TRPC7: variants seen among roughly 807,000 people sequenced by gnomAD.
TRPC7 encodes short transient receptor potential channel 7.
TRPC7 carries 42 observed loss-of-function variants against 90.1 expected under a neutral mutation model. The observed-to-expected ratio is 0.47, with a 90% CI of 0.36 to 0.60. TRPC7 has a LOEUF of 0.60. TRPC7 is among the 20% of genes least tolerant of loss of function. The pLI is 0.00. For synonymous variants in TRPC7, 451 were observed against 436.3 expected (o/e 1.03, Z -0.42); for missense variants, 955 against 1,112.3 (o/e 0.86, Z 2.01).
intron 7 of TRPC7, among the ~76,000 whole-genome samples, chr5:136,233,093 C>T (rs113488642): frequency 3.3e-5 from 5 of 152,066 alleles, no homozygotes; most frequent in Admixed American, 2.0e-4. Context: ...TCTGTGTGTG[C>T]GTGTGCATGT....
chr5:136,265,914 T>C (rs2149812029), intron 5 of TRPC7, among the ~76,000 whole-genome samples: 1 of 152,310 alleles, frequency 6.6e-6, no homozygotes, highest in East Asian at 1.9e-4. Flanking sequence ...TATATTTAAA[T>C]GATCAAAATA....
chr5:136,266,444 G>T lies in TRPC7; in HGVS notation c.1129-8C>A. On this transcript the variant is annotated splice_polypyrimidine_tract_variant and splice_region_variant and intron_variant, in intron 4 of 11. Coordinates refer to ENST00000513104, the MANE Select transcript of TRPC7 (RefSeq NM_020389.3). ...CCTCAGGGTTCGTCCTAGCTGGAAA[G>T]AAAATGTGTTCAAGACATGTTAAAC... 1 of 1,611,126 alleles carries T rather than the reference G, an allele frequency of 6.2e-7. No individual in the cohort carries two copies. The highest frequency in any genetic ancestry group is 8.5e-7 in the Non-Finnish European group (1 of 1,178,120).
chr5:136,356,460 G>A (rs899852429), intron 2 of TRPC7, 148 bp downstream of exon 2: 6 of 766,320 alleles, frequency 7.8e-6, no homozygotes, highest in Non-Finnish European at 9.8e-6. Flanking sequence ...TGATAAGTGA[G>A]ATGTGTTCCC....
At chr5:136,264,501 G>T (rs920193477) in intron 5 of TRPC7, among the ~76,000 whole-genome samples, 2 of 152,166 alleles carry the variant, frequency 1.3e-5, no homozygotes, top group Non-Finnish European at 2.9e-5. Flanking sequence ...TAAGACCACA[G>T]AACTCTGTAA....
intron 7 of TRPC7, among the ~76,000 whole-genome samples, chr5:136,238,167 C>T (rs529785020): frequency 7.9e-5 from 12 of 152,226 alleles, no homozygotes; most frequent in Non-Finnish European, 1.5e-4. Context: ...CCTTCTTTGA[C>T]GACCTGTCTG....
chr5:136,314,679 T>A (rs369741579), intron 3 of TRPC7, among the ~76,000 whole-genome samples: 3 of 152,272 alleles, frequency 2.0e-5, no homozygotes, highest in African/African-American at 7.2e-5. Context: ...ACACACAAAT[T>A]AAGATAATCA....
intron 10 of TRPC7, among the ~76,000 whole-genome samples, chr5:136,216,927 C>T (rs1168707569): frequency 6.6e-6 from 1 of 152,196 alleles, no homozygotes; most frequent in East Asian, 1.9e-4. Flanking sequence ...GGATTTGGCC[C>T]TCAAGTTCCA....
intron 1 of TRPC7, among the ~76,000 whole-genome samples, chr5:136,359,057 G>A (rs1232270106): frequency 6.6e-6 from 1 of 152,084 alleles, no homozygotes; most frequent in African/African-American, 2.4e-5. Flanking sequence ...CACAGAGAAA[G>A]GCTTTAAAAT....
chr5:136,324,103 AT>A (rs1407776293), intron 2 of TRPC7, among the ~76,000 whole-genome samples: 1 of 151,732 alleles, frequency 6.6e-6, no homozygotes, highest in Non-Finnish European at 1.5e-5. Context: ...CTTCATTTTA[AT>A]TTTCATCATT....
At chr5:136,338,438 G>T (rs1759735936) in intron 2 of TRPC7, among the ~76,000 whole-genome samples, 1 of 152,166 alleles carries the variant, frequency 6.6e-6, no homozygotes, top group Admixed American at 6.5e-5. Flanking sequence ...ACCATATAGG[G>T]AGTATGAAAA....
At chr5:136,340,283 A>T (rs1474663298) in intron 2 of TRPC7, among the ~76,000 whole-genome samples, 2 of 151,948 alleles carry the variant, frequency 1.3e-5, no homozygotes, top group Non-Finnish European at 2.9e-5. Flanking sequence ...AGAAGTAGAG[A>T]GCAGATTGGT....
chr5:136,239,667 C>G (rs1561683362), intron 7 of TRPC7, among the ~76,000 whole-genome samples: 1 of 152,228 alleles, frequency 6.6e-6, no homozygotes, highest in Non-Finnish European at 1.5e-5. Flanking sequence ...ACCCCTTGCC[C>G]TGCTTCTCCA....
At chr5:136,304,243 A>T (rs1019086039) in intron 3 of TRPC7, among the ~76,000 whole-genome samples, 3 of 151,800 alleles carry the variant, frequency 2.0e-5, no homozygotes, top group East Asian at 1.9e-4. Flanking sequence ...GGGACCGATC[A>T]TGCACCCCTT....
At chr5:136,256,264 A>C (rs1294270041) in intron 5 of TRPC7, among the ~76,000 whole-genome samples, 3 of 151,350 alleles carry the variant, frequency 2.0e-5, no homozygotes, top group Admixed American at 2.0e-4. Context: ...AACTCTGCCC[A>C]CTCCTTAAGG....
chr5:136,338,863 C>T (rs1759751531), intron 2 of TRPC7, among the ~76,000 whole-genome samples: 1 of 151,932 alleles, frequency 6.6e-6, no homozygotes, highest in Non-Finnish European at 1.5e-5. Flanking sequence ...GAATTGTTAC[C>T]ACTCTACAGC....
chr5:136,338,094 C>T (rs958399193), intron 2 of TRPC7, among the ~76,000 whole-genome samples: 7 of 151,842 alleles, frequency 4.6e-5, no homozygotes, highest in Non-Finnish European at 7.4e-5. Flanking sequence ...TCAATGTGGC[C>T]CTTCTGAATT....
At chr5:136,304,312 A>G (rs1056781289) in intron 3 of TRPC7, among the ~76,000 whole-genome samples, 10 of 152,160 alleles carry the variant, frequency 6.6e-5, no homozygotes, top group Non-Finnish European at 1.5e-4. Context: ...CCCATCCCAC[A>G]GCACTCTTTA....
intron 11 of TRPC7, among the ~76,000 whole-genome samples, chr5:136,215,403 A>G (rs1379064979): frequency 6.6e-6 from 1 of 152,142 alleles, no homozygotes. Flanking sequence ...GGGAAACATG[A>G]CTGTTTCTCC....
chr5:136,352,999 A>G (rs1760248817), intron 2 of TRPC7, among the ~76,000 whole-genome samples: 1 of 152,234 alleles, frequency 6.6e-6, no homozygotes. Flanking sequence ...TTTAGGATTT[A>G]CTTTATTCCC....
Sources: gnomAD v4.1 joint callset for allele counts (sites outside exome capture counted in the v4.1 genomes callset) on GRCh38, gnomAD v4.1.1 for gene constraint, MANE v1.5 for transcripts, NCBI Gene and HGNC (gene_info 2026-07-23, HGNC 2026-07-21) for gene names.